Variants in SLC4A4 observed in about 807,000 individuals in gnomAD.
SLC4A4 encodes solute carrier family 4 member 4.
A neutral mutation model predicts 111.5 loss-of-function variants in SLC4A4; 27 were observed. The observed-to-expected ratio is 0.24, with a 90% CI of 0.18 to 0.33. SLC4A4 has a LOEUF of 0.33. Among genes scored for constraint, SLC4A4 ranks in the 10% least tolerant of loss-of-function variants. The probability of loss-of-function intolerance (pLI) is 1.00; values close to 1 mark genes in which losing one functional copy is unlikely to be tolerated. For missense variants in SLC4A4, 909 were observed against 1,315.5 expected (o/e 0.69, Z 4.78); for synonymous variants, 443 against 463.4 (o/e 0.96, Z 0.57).
At chr4:71,083,061 C>G (rs1742036988) in intron 1 of SLC4A4, among the ~76,000 whole-genome samples, 1 of 151,940 alleles carries the variant, frequency 6.6e-6, no homozygotes, top group Admixed American at 6.5e-5. Context: ...CCATGTTGGC[C>G]AGGTTGGTCT....
Position 71,466,533 on chromosome 4 carries a change from C to T in SLC4A4, c.1587C>T (p.Thr529=), listed in dbSNP as rs755141655. ...AGQPLTILSS[T]GPVLVFERLL... is the part of the protein sequence containing the mutation. ...AACCACTCACTATTCTGAGCAGCAC[C>T]GGACCTGTCCTAGTTTTTGAGAGGC... Residue 529 remains threonine (T), a synonymous_variant, in exon 13 of 26, where the codon ACC becomes ACT. Coordinates refer to ENST00000264485, the MANE Select transcript of SLC4A4 (RefSeq NM_001098484.3). The T allele has an allele frequency of 1.4e-5, 23 of 1,613,366 alleles. No homozygotes were observed. The highest frequency in any genetic ancestry group is 8.9e-5 in the East Asian group (4 of 44,830).
chr4:71,470,661 A>G (rs952441207), intron 13 of SLC4A4, among the ~76,000 whole-genome samples: 1 of 152,022 alleles, frequency 6.6e-6, no homozygotes, highest in African/African-American at 2.4e-5. Context: ...AGAACCCATA[A>G]AATGTGAGTG....
chr4:71,100,762 A>AATCAATGT (rs1042491599), intron 2 of SLC4A4, among the ~76,000 whole-genome samples: 27 of 152,354 alleles, frequency 1.8e-4, no homozygotes, highest in African/African-American at 6.3e-4. Context: ...TAGGATACAA[A>AATCAATGT]ATCAATGTAC....
chr4:71,497,581 C>G lies in SLC4A4; in HGVS notation c.2055C>G (p.Asn685Lys). 9 of 1,613,328 alleles carry G rather than the reference C, an allele frequency of 5.6e-6. No individual in the cohort carries two copies. The highest frequency in any genetic ancestry group is 7.6e-6 in the Non-Finnish European group (9 of 1,179,508). The change falls in exon 16 of 26, where the codon AAC (asparagine) becomes AAG (lysine). Residue 685 changes from asparagine (N) to lysine (K), a missense_variant. This residue lies in a region of SLC4A4 where 264 missense variants were observed against 356.8 expected (regional missense o/e 0.74). Transcript: ENST00000264485. Reference protein sequence around the residue: ...SKYGGNLVGNNCNFVPDITLM... With the variant: ...SKYGGNLVGNKCNFVPDITLM... ...ACGGAGGAAACCTCGTCGGGAACAA[C>G]TGTAATTTTGTTCCTGATATCACAC...
intron 22 of SLC4A4, among the ~76,000 whole-genome samples, chr4:71,558,937 T>C (rs1736719971): frequency 6.6e-6 from 1 of 151,808 alleles, no homozygotes; most frequent in Non-Finnish European, 1.5e-5. Context: ...ATTAGTGTTA[T>C]CTGCCTACCT....
At chr4:71,297,113 G>A (rs1190138809) in intron 3 of SLC4A4, among the ~76,000 whole-genome samples, 1 of 152,218 alleles carries the variant, frequency 6.6e-6, no homozygotes. Flanking sequence ...GACATTCTGA[G>A]GTTTCCCATG....
chr4:71,422,616 G>T (rs1254196647), intron 7 of SLC4A4, among the ~76,000 whole-genome samples: 1 of 151,866 alleles, frequency 6.6e-6, no homozygotes, highest in Non-Finnish European at 1.5e-5. Flanking sequence ...AAATCCAGCA[G>T]CACATCAAAA....
At chr4:71,266,544 T>A (rs1264371482) in intron 3 of SLC4A4, among the ~76,000 whole-genome samples, 2 of 152,246 alleles carry the variant, frequency 1.3e-5, no homozygotes, top group Non-Finnish European at 2.9e-5. Flanking sequence ...GCACTTTGTT[T>A]GGTAAGTAGG....
chr4:71,378,001 C>CT (rs1401496888), intron 6 of SLC4A4, among the ~76,000 whole-genome samples: 2 of 152,006 alleles, frequency 1.3e-5, no homozygotes, highest in Non-Finnish European at 2.9e-5. Flanking sequence ...AAAGCAGAAA[C>CT]CCCTGATAAA....
intron 2 of SLC4A4, among the ~76,000 whole-genome samples, chr4:71,113,424 G>A (rs1578492053): frequency 6.6e-6 from 1 of 152,158 alleles, no homozygotes; most frequent in Admixed American, 6.5e-5. Flanking sequence ...GATGTGCTTG[G>A]CAATTTAATT....
At chr4:71,317,124 A>G (rs1486858835) in intron 3 of SLC4A4, among the ~76,000 whole-genome samples, 1 of 150,816 alleles carries the variant, frequency 6.6e-6, no homozygotes, top group African/African-American at 2.4e-5. Context: ...AGATGATTTT[A>G]TTCGTATTTT....
chr4:71,195,099 CT>C (rs1745926302), intron 1 of SLC4A4, among the ~76,000 whole-genome samples: 1 of 151,850 alleles, frequency 6.6e-6, no homozygotes, highest in Admixed American at 6.6e-5. Context: ...CATGATCTTC[CT>C]TTAAATAACA....
At chr4:71,240,962 TA>T (rs573168761) in intron 2 of SLC4A4, among the ~76,000 whole-genome samples, 127 of 143,246 alleles carry the variant, frequency 8.9e-4, no homozygotes, top group South Asian at 9.0e-4. Flanking sequence ...TACAGAGAAA[TA>T]AAAAAAAAAA....
At chr4:71,311,039 C>T (rs1250240762) in intron 3 of SLC4A4, among the ~76,000 whole-genome samples, 1 of 152,082 alleles carries the variant, frequency 6.6e-6, no homozygotes, top group Non-Finnish European at 1.5e-5. Flanking sequence ...TTAGGGGTTG[C>T]AATCGTAGTC....
At chr4:71,189,722 C>T (rs912653659) in intron 1 of SLC4A4, among the ~76,000 whole-genome samples, 1 of 152,174 alleles carries the variant, frequency 6.6e-6, no homozygotes, top group African/African-American at 2.4e-5. Flanking sequence ...ATGAGGACTG[C>T]TATTGTTAGA....
At chr4:71,144,304 A>C (rs925000820) in intron 2 of SLC4A4, among the ~76,000 whole-genome samples, 2 of 152,076 alleles carry the variant, frequency 1.3e-5, no homozygotes, top group Non-Finnish European at 2.9e-5. Context: ...CCATTGATCT[A>C]TATCTCTGTT....
chr4:71,292,588 T>A (rs1010299180), intron 3 of SLC4A4, among the ~76,000 whole-genome samples: 1 of 152,154 alleles, frequency 6.6e-6, no homozygotes, highest in African/African-American at 2.4e-5. Context: ...GTTCTTAAAC[T>A]TGGATTGCCT....
intron 2 of SLC4A4, among the ~76,000 whole-genome samples, chr4:71,167,512 T>G (rs1744810219): frequency 6.6e-6 from 1 of 152,180 alleles, no homozygotes; most frequent in African/African-American, 2.4e-5. Flanking sequence ...AGTGGAGATG[T>G]TAGGGAGACC....
intron 6 of SLC4A4, among the ~76,000 whole-genome samples, chr4:71,376,154 T>TACACACACACAC (rs1280052167): frequency 2.7e-4 from 15 of 55,062 alleles, no homozygotes; most frequent in South Asian, 1.1e-3. Context: ...TACCTGTATA[T>TACACACACACAC]ATACACACAC....
Sources: allele counts gnomAD v4.1 joint callset (sites outside exome capture counted in the v4.1 genomes callset), GRCh38; gene constraint gnomAD v4.1.1; regional missense constraint gnomAD v4.1.1; transcripts MANE v1.5; gene names NCBI Gene and HGNC (gene_info 2026-07-23, HGNC 2026-07-21).